Variants in BLVRA observed in about 807,000 individuals in gnomAD.
The protein encoded by BLVRA is biliverdin reductase A.
In BLVRA, 22 loss-of-function variants were observed where a neutral mutation model predicts 32.8. That is an observed-to-expected ratio of 0.67 (90% CI 0.48 to 0.96). BLVRA has a LOEUF of 0.96. Ranked by LOEUF, BLVRA falls within the 40% of genes least tolerant of loss-of-function variation. The probability of loss-of-function intolerance (pLI) is 0.00; values close to 1 mark genes in which losing one functional copy is unlikely to be tolerated. For missense variants in BLVRA, 323 were observed against 358.1 expected (o/e 0.90, Z 0.79); for synonymous variants, 119 against 141.3 (o/e 0.84, Z 1.12).
intron 6 of BLVRA, among the ~76,000 whole-genome samples, chr7:43,802,355 A>G (rs1338817000): frequency 6.6e-6 from 1 of 152,250 alleles, no homozygotes; most frequent in Non-Finnish European, 1.5e-5. Flanking sequence ...TATCAAGGTC[A>G]TAAGAAATGT....
At chr7:43,758,208 A>C (rs762949085), upstream of BLVRA, among the ~76,000 whole-genome samples, 32 of 152,204 alleles carry the variant, frequency 2.1e-4, no homozygotes, top group Non-Finnish European at 3.7e-4. Flanking sequence ...ATTTACAGGA[A>C]GGACTCAGGT....
chr7:43,788,766 C>CT (rs1563545716), intron 3 of BLVRA, among the ~76,000 whole-genome samples: 1 of 151,906 alleles, frequency 6.6e-6, no homozygotes, highest in East Asian at 1.9e-4. Flanking sequence ...TTCTGAGTAG[C>CT]TGGGACTACA....
rs1465273402 is a variant in BLVRA at position 43,766,935 on chromosome 7, T to C, written c.-21-4203T>C. ...TCACTTGAACCCAGGAGTTCGACGT[T>C]GCAGTGAGCTGTGATCATGCGTGCC... On this transcript the variant is annotated intron_variant, in intron 1 of 7. Transcript: ENST00000265523. Among the ~76,000 whole-genome samples the C allele has an allele frequency of 3.9e-5, 6 of 152,124 alleles. No homozygotes were observed. The East Asian group carries it at 1.2e-3, about 29-fold the overall frequency.
intron 2 of BLVRA, among the ~76,000 whole-genome samples, chr7:43,781,752 A>G (rs2095769898): frequency 6.6e-6 from 1 of 152,248 alleles, no homozygotes. Context: ...CAGAATGTGC[A>G]TCCATTTAGT....
chr7:43,797,367 C>T (rs2095793941), intron 5 of BLVRA, among the ~76,000 whole-genome samples: 1 of 152,246 alleles, frequency 6.6e-6, no homozygotes, highest in African/African-American at 2.4e-5. Context: ...GAATTACAGG[C>T]ATGGGCCAAC....
chr7:43,789,674 G>A (rs988122962), intron 3 of BLVRA, among the ~76,000 whole-genome samples: 1 of 138,970 alleles, frequency 7.2e-6, no homozygotes, highest in Non-Finnish European at 1.6e-5. Context: ...TGGGAGGATG[G>A]CCAGGTCACA....
intron 1 of BLVRA, among the ~76,000 whole-genome samples, chr7:43,765,500 C>T (rs2095746837): frequency 6.6e-6 from 1 of 152,200 alleles, no homozygotes; most frequent in East Asian, 1.9e-4. Flanking sequence ...GATCCGCCCG[C>T]CTCGGCCTCC....
At chr7:43,784,180 C>T (rs1236463986) in intron 2 of BLVRA, among the ~76,000 whole-genome samples, 2 of 152,146 alleles carry the variant, frequency 1.3e-5, no homozygotes, top group Non-Finnish European at 2.9e-5. Context: ...TCCTTAAATA[C>T]CACCTCTATA....
chr7:43,765,352 A>G (rs917896024), intron 1 of BLVRA, among the ~76,000 whole-genome samples: 1 of 152,034 alleles, frequency 6.6e-6, no homozygotes, highest in African/African-American at 2.4e-5. Context: ...CCTGGGTTCA[A>G]GCAATTCTCA....
chr7:43,776,543 A>G (rs2095761199), intron 2 of BLVRA, among the ~76,000 whole-genome samples: 1 of 152,098 alleles, frequency 6.6e-6, no homozygotes, highest in African/African-American at 2.4e-5. Flanking sequence ...ACATCTTCTG[A>G]GGAGTGCTTT....
chr7:43,767,990 G>A (rs1360777859), intron 1 of BLVRA, among the ~76,000 whole-genome samples: 1 of 152,114 alleles, frequency 6.6e-6, no homozygotes, highest in Non-Finnish European at 1.5e-5. Flanking sequence ...AATTTTAAGA[G>A]CTATTGCTGC....
chr7:43,766,290 GAAAAAAA>G (rs56186712), intron 1 of BLVRA, among the ~76,000 whole-genome samples: 4 of 93,900 alleles, frequency 4.3e-5, no homozygotes, highest in Non-Finnish European at 6.4e-5. Flanking sequence ...CTGTCTCAGG[GAAAAAAA>G]AAAAAAAAAA....
At chr7:43,774,581 C>T (rs964881589) in intron 2 of BLVRA, among the ~76,000 whole-genome samples, 14 of 152,276 alleles carry the variant, frequency 9.2e-5, no homozygotes, top group East Asian at 1.9e-4. Flanking sequence ...GTGATGCCTC[C>T]GGCTTTGTTC....
chr7:43,793,700 T>G (rs1193767783), intron 5 of BLVRA, among the ~76,000 whole-genome samples: 1 of 150,636 alleles, frequency 6.6e-6, no homozygotes, highest in Non-Finnish European at 1.5e-5. Context: ...CTCAGCTCAC[T>G]GCAACCTCCG....
chr7:43,806,286 TG>T (rs1308420062), intron 7 of BLVRA, among the ~76,000 whole-genome samples: 1 of 152,218 alleles, frequency 6.6e-6, no homozygotes, highest in Non-Finnish European at 1.5e-5. Flanking sequence ...CACTCCAGCC[TG>T]GGCAACAAGA....
At chr7:43,776,967 C>T (rs2095761811) in intron 2 of BLVRA, among the ~76,000 whole-genome samples, 1 of 152,144 alleles carries the variant, frequency 6.6e-6, no homozygotes, top group Admixed American at 6.5e-5. Flanking sequence ...ATTGCAACCC[C>T]TACCATTTTT....
chr7:43,803,815 A>G lies in BLVRA; in HGVS notation c.600A>G (p.Lys200=). 1 of 1,614,066 alleles carries G rather than the reference A, an allele frequency of 6.2e-7. No individual in the cohort carries two copies. The highest frequency in any genetic ancestry group is 8.5e-7 in the Non-Finnish European group (1 of 1,179,964). Reference sequence around the variant, plus strand: ...AGCGAAAGGAAGATCAGTATATGAAAATGACAGTGTGTCTGGAGACAGAGA... The same window carrying G: ...AGCGAAAGGAAGATCAGTATATGAAGATGACAGTGTGTCTGGAGACAGAGA... The part of the protein sequence containing the change: ...LEERKEDQYM[K]MTVCLETEKK... Residue 200 remains lysine, a synonymous_variant, in exon 7 of 8, where the codon AAA becomes AAG. Coordinates refer to ENST00000265523, the MANE Select transcript of BLVRA (RefSeq NM_000712.4).
chr7:43,790,835 G>C (rs2095784974), intron 3 of BLVRA, among the ~76,000 whole-genome samples: 1 of 152,104 alleles, frequency 6.6e-6, no homozygotes, highest in East Asian at 1.9e-4. Flanking sequence ...ACCACATTTG[G>C]CTAACTTTTG....
intron 3 of BLVRA, among the ~76,000 whole-genome samples, chr7:43,790,226 C>T (rs959625148): frequency 3.9e-5 from 6 of 152,012 alleles, no homozygotes; most frequent in Non-Finnish European, 7.4e-5. Flanking sequence ...GGGAGGTGTA[C>T]GGACTGCTGG....
Sources: gnomAD v4.1 joint callset for allele counts (sites outside exome capture counted in the v4.1 genomes callset) on GRCh38, gnomAD v4.1.1 for gene constraint, MANE v1.5 for transcripts, NCBI Gene and HGNC (gene_info 2026-07-23, HGNC 2026-07-21) for gene names.